BABAM2: variants seen among roughly 807,000 people sequenced by gnomAD.
The protein encoded by BABAM2 is BRISC and BRCA1 A complex member 2, also known as BRISC and BRCA1-A complex member 2.
In BABAM2, 31 loss-of-function variants were observed where a neutral mutation model predicts 54.7. That is an observed-to-expected ratio of 0.57 (90% CI 0.43 to 0.77). BABAM2 has a LOEUF of 0.77. BABAM2 is among the 30% of genes least tolerant of loss of function. BABAM2 has a pLI of 0.00. For synonymous variants in BABAM2, 167 were observed against 162.9 expected (o/e 1.03, Z -0.19); for missense variants, 364 against 455.8 (o/e 0.80, Z 1.83).
At chr2:28,124,155 G>A (rs2148756535) in intron 6 of BABAM2, among the ~76,000 whole-genome samples, 1 of 152,318 alleles carries the variant, frequency 6.6e-6, no homozygotes, top group Admixed American at 6.5e-5. Context: ...GTTTCTGAAA[G>A]TAAATGTTAT....
At chr2:28,270,389 G>A (rs766298002) in intron 10 of BABAM2, among the ~76,000 whole-genome samples, 13 of 152,134 alleles carry the variant, frequency 8.5e-5, no homozygotes, top group Admixed American at 2.6e-4. Flanking sequence ...CCAAAGTGCT[G>A]GGATTACAGG....
intron 6 of BABAM2, among the ~76,000 whole-genome samples, chr2:28,123,339 G>C (rs572833900): frequency 6.6e-6 from 1 of 152,280 alleles, no homozygotes; most frequent in Admixed American, 6.5e-5. Flanking sequence ...ACGTGTGTCA[G>C]TGCCTGGCAG....
At chr2:28,164,742 G>T (rs1673461409) in intron 7 of BABAM2, among the ~76,000 whole-genome samples, 1 of 152,076 alleles carries the variant, frequency 6.6e-6, no homozygotes, top group African/African-American at 2.4e-5. Flanking sequence ...CTTGTCACAT[G>T]TATCTTGGCG....
chr2:28,027,636 A>T (rs1307244752), intron 5 of BABAM2, among the ~76,000 whole-genome samples: 1 of 152,226 alleles, frequency 6.6e-6, no homozygotes, highest in Non-Finnish European at 1.5e-5. Context: ...ATGTATCAGT[A>T]CTTCATTTCT....
At position 28,041,031 on chromosome 2, in the gene BABAM2, A is replaced by G. The variant is rs541008054; in HGVS notation, c.496-4694A>G. Among the ~76,000 whole-genome samples the G allele has an allele frequency of 7.0e-4, 106 of 152,350 alleles. No homozygotes were observed. In the South Asian group the frequency reaches 0.011, roughly 16 times the overall value. On this transcript the variant is annotated intron_variant, in intron 5 of 11. Transcript: ENST00000379624. ...ACATTGTACAAGCTAAAATAGGGCA[A>G]AAGAGCTAAAATGCAGTGCATGGAC... is the stretch of plus-strand genomic sequence containing the variant.
In BABAM2 at chr2:28,309,943, C is replaced by T. The variant is rs553807647; in HGVS notation, c.1088+11452C>T. ...TCCGCACGAGCAAGCTCACCCGTCC[C>T]TCCTGGGCCTTTTCCTTATGGGGTT... On this transcript the variant is annotated intron_variant, in intron 11 of 11. Transcript: ENST00000379624. 2.6e-5 allele frequency: 23 copies of T among 880,128 alleles called. No individual in the cohort carries two copies. The East Asian group carries it at 3.9e-4, about 15-fold the overall frequency. 54.5% of individuals were successfully genotyped at this position (880,128 alleles called of 1,614,324 possible).
At chr2:28,098,172 C>G (rs1666781223) in intron 6 of BABAM2, among the ~76,000 whole-genome samples, 1 of 152,002 alleles carries the variant, frequency 6.6e-6, no homozygotes, top group Non-Finnish European at 1.5e-5. Context: ...TTTAGTTTTC[C>G]CAGCATGGAG....
intron 10 of BABAM2, among the ~76,000 whole-genome samples, chr2:28,289,401 T>G (rs1009347251): frequency 6.6e-6 from 1 of 152,274 alleles, no homozygotes; most frequent in Admixed American, 6.5e-5. Context: ...CATACACATG[T>G]GTATAAAGAC....
At chr2:28,086,304 A>G (rs1427075552) in intron 6 of BABAM2, among the ~76,000 whole-genome samples, 1 of 152,228 alleles carries the variant, frequency 6.6e-6, no homozygotes, top group Non-Finnish European at 1.5e-5. Context: ...GAGCTTTAAA[A>G]TATAAATAAT....
intron 11 of BABAM2, among the ~76,000 whole-genome samples, chr2:28,298,779 A>G (rs1687894557): frequency 6.6e-6 from 1 of 152,196 alleles, no homozygotes; most frequent in African/African-American, 2.4e-5. Context: ...TCTACATCTG[A>G]AAGTGTTTCC....
chr2:27,918,264 C>T (rs1667119916), intron 2 of BABAM2, among the ~76,000 whole-genome samples: 1 of 152,184 alleles, frequency 6.6e-6, no homozygotes, highest in Non-Finnish European at 1.5e-5. Context: ...CCCCTTACAA[C>T]TACTGTTCTA....
At chr2:28,237,070 T>A (rs536206004) in intron 7 of BABAM2, 132 bp from the exon 8 acceptor site, 1 of 687,034 alleles carries the variant, frequency 1.5e-6, no homozygotes, top group Non-Finnish European at 2.6e-6. Flanking sequence ...GTGAAGCCCA[T>A]ATACCCATCA....
intron 7 of BABAM2, among the ~76,000 whole-genome samples, chr2:28,180,288 A>T (rs1041310626): frequency 6.6e-6 from 1 of 152,194 alleles, no homozygotes; most frequent in African/African-American, 2.4e-5. Context: ...ATGGAACAAT[A>T]TAAAGAATCT....
rs553863769 is a variant in BABAM2 at position 27,900,405 on chromosome 2, C to G, written c.128+5721C>G. ...TTTAAATAGCAATTCATATATATTT[C>G]TCTTATGTTATCTAGATTTTTCTAC... is the stretch of plus-strand genomic sequence containing the variant. On this transcript the variant is annotated intron_variant, in intron 2 of 11. Coordinates refer to ENST00000379624, the MANE Select transcript of BABAM2 (RefSeq NM_199191.3). 2.0e-5 allele frequency among the ~76,000 whole-genome samples: 3 copies of G among 149,746 alleles called. No individual in the cohort carries two copies. The South Asian group carries it at 6.3e-4, about 32-fold the overall frequency.
At position 27,995,019 on chromosome 2, in the gene BABAM2, C is replaced by T. The variant is rs998231675; in HGVS notation, c.300+6932C>T. On this transcript the variant is annotated intron_variant, in intron 4 of 11. Coordinates refer to ENST00000379624, the MANE Select transcript of BABAM2 (RefSeq NM_199191.3). The surrounding 1 kb of genome is among the most constrained non-coding windows in gnomAD (Gnocchi z 4.1). ...ATGCAAGACTAGCAGTTGTAGGGAG[C>T]AGCTATTCTAGAGCTAAGGGAGAGG... Among the ~76,000 whole-genome samples, 1 of 152,168 alleles carries T rather than the reference C, an allele frequency of 6.6e-6. No homozygotes were observed. Among genetic ancestry groups the T allele is most frequent in the Non-Finnish European group, 1.5e-5 (1 of 68,036 alleles).
chr2:28,182,776 G>C (rs1332323010), intron 7 of BABAM2, among the ~76,000 whole-genome samples: 1 of 152,190 alleles, frequency 6.6e-6, no homozygotes, highest in Non-Finnish European at 1.5e-5. Context: ...TAATAAATTG[G>C]AAGTTTATTT....
At chr2:28,231,122 G>T (rs1681344456) in intron 7 of BABAM2, among the ~76,000 whole-genome samples, 1 of 152,198 alleles carries the variant, frequency 6.6e-6, no homozygotes, top group Non-Finnish European at 1.5e-5. Context: ...TAGAATGTCA[G>T]TTTTCTCATC....
chr2:27,961,287 A>C (rs1366284578), intron 3 of BABAM2, among the ~76,000 whole-genome samples: 1 of 152,178 alleles, frequency 6.6e-6, no homozygotes, highest in Non-Finnish European at 1.5e-5. Flanking sequence ...CAATGGTTCA[A>C]CTTAGGATTT....
At chr2:28,197,388 A>G (rs1400552971) in intron 7 of BABAM2, among the ~76,000 whole-genome samples, 1 of 152,224 alleles carries the variant, frequency 6.6e-6, no homozygotes, top group Non-Finnish European at 1.5e-5. Flanking sequence ...AACAGTGTTT[A>G]TGAAATCATA....
Sources: allele counts gnomAD v4.1 joint callset (sites outside exome capture counted in the v4.1 genomes callset), GRCh38; gene constraint gnomAD v4.1.1; non-coding constraint Gnocchi (gnomAD v3.1); transcripts MANE v1.5; gene names NCBI Gene and HGNC (gene_info 2026-07-23, HGNC 2026-07-21).